The following KIAA1328 variants were observed in gnomAD, a reference collection of about 807,000 sequenced individuals.
KIAA1328 encodes the protein protein hinderin.
A neutral mutation model predicts 68.1 loss-of-function variants in KIAA1328; 52 were observed. The ratio of observed to expected loss-of-function variants is 0.76; its 90% CI spans 0.61 to 0.96. The LOEUF (loss-of-function observed/expected upper bound fraction) is 0.96, where lower values mean the gene tolerates loss of function less well. Ranked by LOEUF, KIAA1328 falls within the 40% of genes least tolerant of loss-of-function variation. The pLI, the probability that KIAA1328 is intolerant of heterozygous loss-of-function variation, is 0.00. For synonymous variants in KIAA1328, 232 were observed against 239.4 expected (o/e 0.97, Z 0.28); for missense variants, 641 against 677.6 (o/e 0.95, Z 0.60).
At chr18:37,010,095 C>A (rs1359981902) in intron 6 of KIAA1328, among the ~76,000 whole-genome samples, 1 of 152,046 alleles carries the variant, frequency 6.6e-6, no homozygotes, top group Non-Finnish European at 1.5e-5. Flanking sequence ...TAACATCTTG[C>A]AAAATATCAG....
chr18:37,044,964 T>C (rs1002779659), intron 6 of KIAA1328, among the ~76,000 whole-genome samples: 2 of 152,172 alleles, frequency 1.3e-5, no homozygotes, highest in Admixed American at 1.3e-4. Flanking sequence ...TAAGTGGGTA[T>C]GATAAGAGTT....
chr18:37,208,484 T>G (rs76607857), intron 9 of KIAA1328, among the ~76,000 whole-genome samples: 51 of 152,232 alleles, frequency 3.4e-4, no homozygotes, highest in African/African-American at 1.2e-3. Flanking sequence ...CAGGGTTAAA[T>G]TGGAGGCGAA....
intron 5 of KIAA1328, among the ~76,000 whole-genome samples, chr18:36,958,506 C>T (rs1480560248): frequency 1.3e-5 from 2 of 152,174 alleles, no homozygotes; most frequent in East Asian, 1.9e-4. Flanking sequence ...CTTGTCAGTG[C>T]TTGTTTGTCT....
At chr18:36,871,576 G>A (rs975719661) in intron 4 of KIAA1328, among the ~76,000 whole-genome samples, 1 of 152,022 alleles carries the variant, frequency 6.6e-6, no homozygotes, top group Non-Finnish European at 1.5e-5. Flanking sequence ...GGGAACATAA[G>A]AGTGAAAACA....
chr18:37,229,910 A>G (rs2060657354), downstream of KIAA1328: 1 of 153,604 alleles, frequency 6.5e-6, no homozygotes, highest in Non-Finnish European at 1.4e-5. Context: ...AAAAAGTATC[A>G]AGTCCACTTC....
chr18:37,123,099 C>T (rs139859458), intron 7 of KIAA1328, among the ~76,000 whole-genome samples: 1 of 152,172 alleles, frequency 6.6e-6, no homozygotes, highest in East Asian at 1.9e-4. Flanking sequence ...CCTTGGTTTC[C>T]CCAGCCTTTG....
At chr18:36,973,137 C>T (rs575636576) in intron 6 of KIAA1328, among the ~76,000 whole-genome samples, 31 of 152,142 alleles carry the variant, frequency 2.0e-4, no homozygotes, top group Admixed American at 1.6e-3. Context: ...TGGAATACTA[C>T]GCAGCCATAA....
intron 7 of KIAA1328, among the ~76,000 whole-genome samples, chr18:37,097,399 T>C (rs1044140359): frequency 6.6e-6 from 1 of 152,222 alleles, no homozygotes; most frequent in African/African-American, 2.4e-5. Flanking sequence ...TGTGGCATTA[T>C]TTCTGAGGGC....
chr18:36,863,075 T>G (rs1323235543), intron 4 of KIAA1328, among the ~76,000 whole-genome samples: 3 of 152,194 alleles, frequency 2.0e-5, no homozygotes, highest in Admixed American at 6.5e-5. Context: ...CTTTATTGGA[T>G]ATGTACTTTG....
chr18:37,219,419 C>T (rs2060512548), intron 9 of KIAA1328, among the ~76,000 whole-genome samples: 1 of 152,222 alleles, frequency 6.6e-6, no homozygotes, highest in Non-Finnish European at 1.5e-5. Context: ...TTCAGCTCTG[C>T]CCTTCCCCCA....
At chr18:37,043,089 G>GT (rs1480897547) in intron 6 of KIAA1328, among the ~76,000 whole-genome samples, 1 of 151,530 alleles carries the variant, frequency 6.6e-6, no homozygotes, top group Non-Finnish European at 1.5e-5. Context: ...GTTCTTTGTT[G>GT]TAAAAAAAAA....
At chr18:37,133,481 A>G (rs1414990519) in intron 7 of KIAA1328, among the ~76,000 whole-genome samples, 1 of 151,960 alleles carries the variant, frequency 6.6e-6, no homozygotes, top group Non-Finnish European at 1.5e-5. Context: ...GTTAAAATTC[A>G]TAGAACTATA....
chr18:36,875,607 C>T (rs978052869), intron 4 of KIAA1328, among the ~76,000 whole-genome samples: 2 of 152,178 alleles, frequency 1.3e-5, no homozygotes, highest in African/African-American at 4.8e-5. Context: ...ATCCTGTCAT[C>T]TGCAAACAGA....
intron 5 of KIAA1328, among the ~76,000 whole-genome samples, chr18:36,900,703 G>T (rs1256292506): frequency 1.3e-5 from 2 of 151,870 alleles, no homozygotes; most frequent in Non-Finnish European, 2.9e-5. Context: ...TTTCTAAACA[G>T]TGATGTTTCT....
intron 1 of KIAA1328, among the ~76,000 whole-genome samples, chr18:36,830,196 G>C (rs958861162): frequency 2.0e-5 from 3 of 152,174 alleles, no homozygotes; most frequent in Non-Finnish European, 2.9e-5. Context: ...CAACTCCTTT[G>C]TTGAGTTACT....
chr18:36,867,469 C>T (rs2047793559), intron 4 of KIAA1328, among the ~76,000 whole-genome samples: 1 of 152,236 alleles, frequency 6.6e-6, no homozygotes, highest in South Asian at 2.1e-4. Flanking sequence ...TCAGGTATTT[C>T]TTCATAGCAA....
At chr18:37,214,676 G>C (rs930480876) in intron 9 of KIAA1328, among the ~76,000 whole-genome samples, 2 of 152,024 alleles carry the variant, frequency 1.3e-5, no homozygotes, top group Non-Finnish European at 2.9e-5. Flanking sequence ...GTTTATTCCA[G>C]TTCTGTGAAG....
At chr18:37,087,672 G>A (rs1016917349) in intron 7 of KIAA1328, among the ~76,000 whole-genome samples, 3 of 152,080 alleles carry the variant, frequency 2.0e-5, no homozygotes, top group African/African-American at 7.2e-5. Context: ...GGCACGCTGG[G>A]GACTCTTACT....
rs761384694 is a variant in KIAA1328, at chr18:37,147,623, CCTT to C, written c.1233-12573_1233-12571del. On this transcript the variant is annotated intron_variant, in intron 7 of 9. Coordinates refer to ENST00000280020, the MANE Select transcript of KIAA1328 (RefSeq NM_020776.3). ...ATTGGTAGGACTCACTCTCCAAACT[CCTT>C]CTTTGTACATTTCACTGAAGCTTGA... Among the ~76,000 whole-genome samples, 51 of 152,206 alleles carry C rather than the reference CCTT, an allele frequency of 3.4e-4. 1 individual carries two copies. Among genetic ancestry groups the C allele is most frequent in the Admixed American group, 9.8e-4 (15 of 15,266 alleles).
Sources: allele counts gnomAD v4.1 joint callset (sites outside exome capture counted in the v4.1 genomes callset), GRCh38; gene constraint gnomAD v4.1.1; transcripts MANE v1.5; gene names NCBI Gene and HGNC (gene_info 2026-07-23, HGNC 2026-07-21).